The following SLC25A13 variants were observed in gnomAD, a reference collection of about 807,000 sequenced individuals.
The protein encoded by SLC25A13 is electrogenic aspartate/glutamate antiporter SLC25A13, mitochondrial.
A neutral mutation model predicts 85.5 loss-of-function variants in SLC25A13; 70 were observed. The observed-to-expected ratio is 0.82, with a 90% CI of 0.68 to 1.00. The LOEUF is 1.00. SLC25A13 is among the 50% of genes least tolerant of loss of function. The probability of loss-of-function intolerance (pLI) is 0.00; values close to 1 mark genes in which losing one functional copy is unlikely to be tolerated. For missense variants in SLC25A13, 765 were observed against 819.8 expected (o/e 0.93, Z 0.82); for synonymous variants, 259 against 288.7 (o/e 0.90, Z 1.04).
chr7:96,310,320 T>C lies in SLC25A13; in HGVS notation c.15+11622A>G, dbSNP rs537676831. ...ATTCATAACACTGACATTTTTGAAG[T>C]CAAGCCAGAGGTCTTGCAGCATGTC... On this transcript the variant is annotated intron_variant, in intron 1 of 17. Coordinates refer to ENST00000265631, the MANE Select transcript of SLC25A13 (RefSeq NM_014251.3). Among the ~76,000 whole-genome samples, 20 of 152,286 alleles carry C rather than the reference T, an allele frequency of 1.3e-4. No individual in the cohort carries two copies. In the East Asian group the frequency reaches 3.9e-3, roughly 29 times the overall value.
intron 3 of SLC25A13, among the ~76,000 whole-genome samples, chr7:96,267,596 T>C (rs1005234664): frequency 6.6e-6 from 1 of 152,056 alleles, no homozygotes; most frequent in Non-Finnish European, 1.5e-5. Context: ...GGTGGATCAC[T>C]TGAGGTCAGG....
At chr7:96,232,800 C>T (rs556544300) in intron 4 of SLC25A13, among the ~76,000 whole-genome samples, 21 of 152,194 alleles carry the variant, frequency 1.4e-4, no homozygotes, top group Admixed American at 1.0e-3. Flanking sequence ...GTTATTACCC[C>T]GATTTTAGAG....
At chr7:96,127,651 A>G (rs1415775380) in intron 15 of SLC25A13, among the ~76,000 whole-genome samples, 1 of 152,190 alleles carries the variant, frequency 6.6e-6, no homozygotes, top group African/African-American at 2.4e-5. Flanking sequence ...ACAGGTCCAT[A>G]TTATTTATAA....
intron 14 of SLC25A13, among the ~76,000 whole-genome samples, chr7:96,136,468 C>T (rs1417722643): frequency 6.6e-6 from 1 of 152,200 alleles, no homozygotes; most frequent in African/African-American, 2.4e-5. Flanking sequence ...TATAACACAA[C>T]AGGATTTGTA....
chr7:96,219,176 TG>T (rs1375969294), intron 4 of SLC25A13, among the ~76,000 whole-genome samples: 2 of 152,082 alleles, frequency 1.3e-5, no homozygotes, highest in East Asian at 3.9e-4. Context: ...AGGGGGAAAA[TG>T]GTTGCCATTA....
Position 96,241,707 on chromosome 7 carries a change from T to G in SLC25A13, c.213-6790A>C, listed in dbSNP as rs1351000703. Among the ~76,000 whole-genome samples, 4 of 152,174 alleles carry G rather than the reference T, an allele frequency of 2.6e-5. No individual in the cohort carries two copies. In the East Asian group the frequency reaches 7.7e-4, roughly 29 times the overall value. On this transcript the variant is annotated intron_variant, in intron 3 of 17. Transcript: ENST00000265631. ...CCTTTCAATAATATACATACTGCAC[T>G]GTTCTTACAGTAAGAAAAAAATAAA...
chr7:96,209,078 T>G, intron 4 of SLC25A13, 101 bp from the exon 5 acceptor site: 1 of 1,193,962 alleles, frequency 8.4e-7, no homozygotes, highest in East Asian at 2.5e-5. Flanking sequence ...TTAAAAAAAG[T>G]AATTCAATTT....
intron 14 of SLC25A13, among the ~76,000 whole-genome samples, chr7:96,143,027 C>A (rs1246687414): frequency 1.3e-5 from 2 of 152,212 alleles, no homozygotes; most frequent in Non-Finnish European, 2.9e-5. Context: ...TCCTAAGTGA[C>A]CCTCCAAGGT....
Position 96,273,261 on chromosome 7 carries a change from T to C in SLC25A13, c.212+3935A>G, listed in dbSNP as rs544334425. Among the ~76,000 whole-genome samples, 12 of 152,312 alleles carry C rather than the reference T, an allele frequency of 7.9e-5. 1 individual carries two copies. The highest frequency in any genetic ancestry group is 7.2e-4 in the Admixed American group (11 of 15,294). On this transcript the variant is annotated intron_variant, in intron 3 of 17. Transcript: ENST00000265631. The stretch of plus-strand genomic sequence containing the variant: ...ATCACGAAAAACAATATAATATTTC[T>C]GTTCTGTTTTAGAGTAAAAGAGACA...
chr7:96,244,489 G>A lies in SLC25A13; in HGVS notation c.213-9572C>T, dbSNP rs1251318330. 2.0e-5 allele frequency among the ~76,000 whole-genome samples: 3 copies of A among 152,350 alleles called. No homozygotes were observed. In the East Asian group the frequency reaches 5.8e-4, roughly 29 times the overall value. On this transcript the variant is annotated intron_variant, in intron 3 of 17. Transcript: ENST00000265631. The stretch of plus-strand genomic sequence containing the variant: ...ACCATCAGGAATAAGGTGGACAGAA[G>A]CTGAGTCCTATAGGGTCTTACCTTT...
chr7:96,183,210 A>G (rs1189372978), intron 11 of SLC25A13, among the ~76,000 whole-genome samples: 1 of 152,178 alleles, frequency 6.6e-6, no homozygotes, highest in Admixed American at 6.5e-5. Flanking sequence ...TACCTACACA[A>G]TAGGACCTGC....
intron 4 of SLC25A13, among the ~76,000 whole-genome samples, chr7:96,230,125 G>C (rs1223560063): frequency 1.3e-5 from 2 of 152,102 alleles, no homozygotes; most frequent in Non-Finnish European, 2.9e-5. Flanking sequence ...AAATAAATTA[G>C]GATAGAGTCA....
At chr7:96,137,910 T>C (rs1403305328) in intron 14 of SLC25A13, among the ~76,000 whole-genome samples, 1 of 152,194 alleles carries the variant, frequency 6.6e-6, no homozygotes, top group Non-Finnish European at 1.5e-5. Context: ...GCTGCCTGAT[T>C]CACGAATCAT....
Position 96,121,021 on chromosome 7 carries a change from TG to T in SLC25A13, c.*169del. The T allele has an allele frequency of 2.5e-6, 2 of 785,662 alleles. No homozygotes were observed. The highest frequency in any genetic ancestry group is 4.3e-6 in the Non-Finnish European group (2 of 462,292). 48.7% of individuals were successfully genotyped at this position (785,662 alleles called of 1,614,324 possible). A position where few individuals can be genotyped will look rare whatever the true frequency, so the allele number is the denominator to read the frequency against. On this transcript the variant is annotated 3_prime_UTR_variant, in exon 18 of 18. Coordinates refer to ENST00000265631, the MANE Select transcript of SLC25A13 (RefSeq NM_014251.3). Reference sequence around the variant, plus strand: ...AATTATGAATAATTTCACAATGATCTGGTTAAGAAAACACCCAGAAAATGAA... The same window carrying T: ...AATTATGAATAATTTCACAATGATCTGTTAAGAAAACACCCAGAAAATGAA...
chr7:96,148,477 G>C (rs986112627), intron 13 of SLC25A13, among the ~76,000 whole-genome samples: 1 of 152,184 alleles, frequency 6.6e-6, no homozygotes, highest in Non-Finnish European at 1.5e-5. Flanking sequence ...GCAGAATGAT[G>C]AGTTGAAACA....
chr7:96,157,803 AAAACAAACAAACAAAC>A (rs10580228), intron 13 of SLC25A13, among the ~76,000 whole-genome samples: 31 of 150,978 alleles, frequency 2.1e-4, no homozygotes, highest in Admixed American at 5.3e-4. Context: ...TCTATCTTGG[AAAACAAACAAACAAAC>A]AAACAAACAA....
chr7:96,250,042 G>T (rs1797354696), intron 3 of SLC25A13, among the ~76,000 whole-genome samples: 1 of 152,190 alleles, frequency 6.6e-6, no homozygotes, highest in African/African-American at 2.4e-5. Flanking sequence ...AATTAGCCAG[G>T]TGTGGTGACA....
intron 14 of SLC25A13, among the ~76,000 whole-genome samples, chr7:96,142,265 T>C (rs1281497572): frequency 6.6e-6 from 1 of 152,128 alleles, no homozygotes; most frequent in Non-Finnish European, 1.5e-5. Flanking sequence ...TTTCAGCCCT[T>C]TCCTCCTTTC....
intron 3 of SLC25A13, among the ~76,000 whole-genome samples, chr7:96,242,377 G>A (rs371922281): frequency 2.0e-5 from 3 of 152,016 alleles, no homozygotes; most frequent in African/African-American, 4.8e-5. Context: ...TCTCTTTCCC[G>A]CCCATATTCC....
Sources: gnomAD v4.1 joint callset for allele counts (sites outside exome capture counted in the v4.1 genomes callset) on GRCh38, gnomAD v4.1.1 for gene constraint, MANE v1.5 for transcripts, NCBI Gene and HGNC (gene_info 2026-07-23, HGNC 2026-07-21) for gene names.